GABRG3: variants seen among roughly 807,000 people sequenced by gnomAD.
GABRG3 encodes the protein gamma-aminobutyric acid type A receptor subunit gamma3.
GABRG3 carries 25 observed loss-of-function variants against 48.8 expected under a neutral mutation model. The ratio of observed to expected loss-of-function variants is 0.51; its 90% CI spans 0.37 to 0.72. The LOEUF (loss-of-function observed/expected upper bound fraction) is 0.72, where lower values mean the gene tolerates loss of function less well. Ranked by LOEUF, GABRG3 falls within the 30% of genes least tolerant of loss-of-function variation. The pLI, the probability that GABRG3 is intolerant of heterozygous loss-of-function variation, is 0.00. For synonymous variants in GABRG3, 227 were observed against 217.6 expected (o/e 1.04, Z -0.38); for missense variants, 394 against 577.9 (o/e 0.68, Z 3.26).
intron 3 of GABRG3, among the ~76,000 whole-genome samples, chr15:27,310,155 A>T (rs1892946319): frequency 2.0e-5 from 3 of 152,050 alleles, no homozygotes. Flanking sequence ...TGGAGAAGTG[A>T]TCAGTGGTTG....
chr15:27,250,531 A>G (rs1379802585), intron 3 of GABRG3, among the ~76,000 whole-genome samples: 1 of 152,026 alleles, frequency 6.6e-6, no homozygotes, highest in Non-Finnish European at 1.5e-5. Flanking sequence ...GGCTCAAGCG[A>G]TTCTCCTGCC....
intron 5 of GABRG3, among the ~76,000 whole-genome samples, chr15:27,358,076 T>G (rs897468844): frequency 6.6e-6 from 1 of 152,206 alleles, no homozygotes; most frequent in Non-Finnish European, 1.5e-5. Context: ...ATTTAAATAT[T>G]GAGAAGCTAC....
chr15:27,458,630 G>A (rs1308576735), intron 5 of GABRG3, among the ~76,000 whole-genome samples: 3 of 152,006 alleles, frequency 2.0e-5, no homozygotes, highest in Admixed American at 2.0e-4. Flanking sequence ...GCAATAACGT[G>A]TCCCTCTTAG....
chr15:27,048,848 TGA>T (rs2140707885), intron 3 of GABRG3, among the ~76,000 whole-genome samples: 1 of 125,744 alleles, frequency 8.0e-6, no homozygotes, highest in Admixed American at 7.9e-5. Flanking sequence ...TGACCATCTC[TGA>T]CTGTATCTCC....
intron 3 of GABRG3, among the ~76,000 whole-genome samples, chr15:27,079,865 C>T (rs1027781077): frequency 3.3e-5 from 5 of 152,148 alleles, no homozygotes; most frequent in Non-Finnish European, 5.9e-5. Flanking sequence ...AAATAAAAAT[C>T]AGCCCGCACT....
At chr15:27,451,475 T>C (rs999425850) in intron 5 of GABRG3, among the ~76,000 whole-genome samples, 5 of 152,194 alleles carry the variant, frequency 3.3e-5, no homozygotes, top group Non-Finnish European at 7.4e-5. Context: ...TTGGGAAAAC[T>C]GTATAGACAT....
At chr15:27,190,680 C>T (rs1383211811) in intron 3 of GABRG3, among the ~76,000 whole-genome samples, 1 of 151,944 alleles carries the variant, frequency 6.6e-6, no homozygotes, top group African/African-American at 2.4e-5. Flanking sequence ...AAAACCAGCT[C>T]CCGGATTCAT....
At chr15:27,489,147 T>C (rs1189141806) in intron 6 of GABRG3, among the ~76,000 whole-genome samples, 1 of 152,124 alleles carries the variant, frequency 6.6e-6, no homozygotes, top group African/African-American at 2.4e-5. Context: ...TCTGTTCTTA[T>C]GCTAGTTTGC....
chr15:27,511,720 C>T (rs7182186), intron 6 of GABRG3, among the ~76,000 whole-genome samples: 77,336 of 152,018 alleles, frequency 0.51, 20,140 homozygotes, highest in East Asian at 0.68. Context: ...AGTAAATATG[C>T]ATCTCATATA....
At chr15:27,138,352 TTCAC>T (rs1255676243) in intron 3 of GABRG3, among the ~76,000 whole-genome samples, 4 of 152,186 alleles carry the variant, frequency 2.6e-5, no homozygotes, top group Admixed American at 2.0e-4. Context: ...GTAAATATGG[TTCAC>T]TCTTGGGCTG....
At chr15:27,053,164 G>A (rs1896483868) in intron 3 of GABRG3, among the ~76,000 whole-genome samples, 1 of 152,122 alleles carries the variant, frequency 6.6e-6, no homozygotes, top group African/African-American at 2.4e-5. Context: ...TTGACAGTGG[G>A]ACCAAATAAC....
chr15:27,398,845 G>A (rs376309975), intron 5 of GABRG3, among the ~76,000 whole-genome samples: 41 of 152,096 alleles, frequency 2.7e-4, no homozygotes, highest in Non-Finnish European at 5.1e-4. Flanking sequence ...AACCTGCATC[G>A]TCAGAGGTAA....
intron 5 of GABRG3, among the ~76,000 whole-genome samples, chr15:27,371,260 C>G (rs1479767145): frequency 6.6e-6 from 1 of 151,550 alleles, no homozygotes; most frequent in African/African-American, 2.4e-5. Context: ...TTCTTCCTCT[C>G]TTTTCCCTGA....
intron 3 of GABRG3, among the ~76,000 whole-genome samples, chr15:27,106,441 A>G (rs560142143): frequency 5.9e-5 from 9 of 152,128 alleles, no homozygotes; most frequent in African/African-American, 2.2e-4. Flanking sequence ...CCTGCAGGAA[A>G]GAAAGGAAAA....
At chr15:27,392,294 A>G (rs1419254838) in intron 5 of GABRG3, among the ~76,000 whole-genome samples, 1 of 152,120 alleles carries the variant, frequency 6.6e-6, no homozygotes, top group Non-Finnish European at 1.5e-5. Context: ...TTTAGCTGTC[A>G]TGTTCTCCCA....
At chr15:27,405,393 T>C (rs1415677369) in intron 5 of GABRG3, among the ~76,000 whole-genome samples, 1 of 152,198 alleles carries the variant, frequency 6.6e-6, no homozygotes, top group Non-Finnish European at 1.5e-5. Flanking sequence ...ATGTCATGCA[T>C]GTTAGATTGG....
intron 6 of GABRG3, among the ~76,000 whole-genome samples, chr15:27,505,786 A>G (rs1486600676): frequency 6.6e-6 from 1 of 152,210 alleles, no homozygotes; most frequent in Non-Finnish European, 1.5e-5. Context: ...TAAGTTGGGT[A>G]TAGTTCCCTT....
intron 3 of GABRG3, among the ~76,000 whole-genome samples, chr15:27,244,453 AAC>A (rs1470763756): frequency 1.3e-5 from 2 of 152,220 alleles, no homozygotes; most frequent in African/African-American, 4.8e-5. Flanking sequence ...GCGCTTAGCT[AAC>A]AGAGAACATA....
intron 6 of GABRG3, among the ~76,000 whole-genome samples, chr15:27,495,161 C>T (rs578231348): frequency 1.3e-5 from 2 of 152,250 alleles, no homozygotes; most frequent in South Asian, 4.1e-4. Flanking sequence ...ACCTTACTAC[C>T]TTCTCTTTCT....
Sources: allele counts gnomAD v4.1 joint callset (sites outside exome capture counted in the v4.1 genomes callset), GRCh38; gene constraint gnomAD v4.1.1; transcripts MANE v1.5; gene names NCBI Gene and HGNC (gene_info 2026-07-23, HGNC 2026-07-21).